The following LSS variants were observed in gnomAD, a reference collection of about 807,000 sequenced individuals.
LSS encodes lanosterol synthase.
In LSS, 90 loss-of-function variants were observed where a neutral mutation model predicts 110.3. The observed-to-expected ratio is 0.82, with a 90% CI of 0.69 to 0.97. The LOEUF (loss-of-function observed/expected upper bound fraction) is 0.97, where lower values mean the gene tolerates loss of function less well. Ranked by LOEUF, LSS falls within the 50% of genes least tolerant of loss-of-function variation. LSS has a pLI of 0.00. For missense variants in LSS, 927 were observed against 990.0 expected (o/e 0.94, Z 0.85); for synonymous variants, 433 against 400.0 (o/e 1.08, Z -0.98).
At chr21:46,218,101 A>T (rs959784901) in intron 6 of LSS, among the ~76,000 whole-genome samples, 1 of 32,200 alleles carries the variant, frequency 3.1e-5, no homozygotes, top group Non-Finnish European at 6.2e-5. Context: ...TTGACCCCCC[A>T]CCCCCCACCC....
chr21:46,202,373 G>A (rs1433369470), intron 17 of LSS, among the ~76,000 whole-genome samples: 7 of 138,846 alleles, frequency 5.0e-5, no homozygotes, highest in African/African-American at 1.6e-4. Context: ...CAGCCTGGGC[G>A]ACAGAGCGAG....
chr21:46,205,954 G>T lies in LSS; in HGVS notation c.1565-13C>A. The T allele has an allele frequency of 6.3e-7, 1 of 1,581,674 alleles. No homozygotes were observed. The highest frequency in any genetic ancestry group is 8.6e-7 in the Non-Finnish European group (1 of 1,157,998). On this transcript the variant is annotated splice_polypyrimidine_tract_variant and intron_variant, in intron 16 of 21. Coordinates refer to ENST00000397728, the MANE Select transcript of LSS (RefSeq NM_002340.6). ...ATCATGATGTCCCCTGGGAAAGGGAGGGAAGAACCAAGTGTTGGGTTTCAC... is the reference window on the plus strand; with the variant it reads ...ATCATGATGTCCCCTGGGAAAGGGATGGAAGAACCAAGTGTTGGGTTTCAC...
rs544101260 is a variant in LSS at position 46,223,137 on chromosome 21, G to C, written c.320-399C>G. 2.0e-5 allele frequency among the ~76,000 whole-genome samples: 3 copies of C among 152,324 alleles called. No homozygotes were observed. In the East Asian group the frequency reaches 5.8e-4, roughly 29 times the overall value. On this transcript the variant is annotated intron_variant, in intron 3 of 21. Transcript: ENST00000397728. Reference sequence around the variant, plus strand: ...GACTGTTGGTCTTGCTTTAACATCTGCTGGGAAGAAAAATACAAAATTGGT... The same window carrying C: ...GACTGTTGGTCTTGCTTTAACATCTCCTGGGAAGAAAAATACAAAATTGGT...
At chr21:46,205,301 AG>A (rs1208496083) in intron 17 of LSS, among the ~76,000 whole-genome samples, 1 of 152,122 alleles carries the variant, frequency 6.6e-6, no homozygotes, top group Non-Finnish European at 1.5e-5. Context: ...GCAGGAGAGC[AG>A]GAGAGCAGGA....
chr21:46,207,557 C>A lies in LSS; in HGVS notation c.1338G>T (p.Thr446=). ...CAGAAACGATCCAGCCGCAGTCCAGCGTACTGAAGGAGAAGCCACCCTGCA... is the reference window on the plus strand; with the variant it reads ...CAGAAACGATCCAGCCGCAGTCCAGAGTACTGAAGGAGAAGCCACCCTGCA... The part of the protein sequence containing the change: ...QMRKGGFSFS[T]LDCGWIVSDC... The change falls in exon 15 of 22, where the codon ACG becomes ACT. Residue 446 remains threonine (T), a synonymous_variant. Transcript: ENST00000397728. 1.2e-6 allele frequency: 2 copies of A among 1,609,050 alleles called. No individual in the cohort carries two copies. The highest frequency in any genetic ancestry group is 1.7e-6 in the Non-Finnish European group (2 of 1,178,282).
At chr21:46,207,124 C>T (rs1450493427) in intron 15 of LSS, among the ~76,000 whole-genome samples, 1 of 152,248 alleles carries the variant, frequency 6.6e-6, no homozygotes, top group Non-Finnish European at 1.5e-5. Flanking sequence ...AACAAATTCC[C>T]TCTTCAGACA....
intron 9 of LSS, 106 bp from the exon 10 acceptor site, chr21:46,213,941 G>T: frequency 1.3e-6 from 1 of 780,652 alleles, no homozygotes; most frequent in Non-Finnish European, 2.2e-6. Context: ...AAAGTGCCGT[G>T]CAGATCACTC....
At position 46,213,743 on chromosome 21, in the gene LSS, A is replaced by C. The variant is rs576829848; in HGVS notation, c.1104T>G (p.Tyr368Ter). Reference sequence around the variant, plus strand: ...CATATCCCAGCCACACTCACCAGAGATAGTCCGGGATTCTGGAGACATGCT... The same window carrying C: ...CATATCCCAGCCACACTCACCAGAGCTAGTCCGGGATTCTGGAGACATGCT... Reference protein sequence around the residue: ...FQEHVSRIPDYLWMGLDGMKM... With the variant: ...FQEHVSRIPD The change falls in exon 10 of 22, where the codon TAT becomes TAG. Residue 368 changes from tyrosine (Y) to a stop codon, truncating the protein, a stop_gained. Transcript: ENST00000397728. LOFTEE classifies it high-confidence loss of function. 1 of 1,613,408 alleles carries C rather than the reference A, an allele frequency of 6.2e-7. No individual in the cohort carries two copies. Among genetic ancestry groups the C allele is most frequent in the South Asian group, 1.1e-5 (1 of 90,954 alleles).
At chr21:46,212,246 C>T (rs1388766499) in intron 11 of LSS, among the ~76,000 whole-genome samples, 1 of 152,216 alleles carries the variant, frequency 6.6e-6, no homozygotes, top group Non-Finnish European at 1.5e-5. Flanking sequence ...CCAAGGGTAG[C>T]CCTGGGGCGG....
At chr21:46,218,873 C>A (rs915650898) in intron 6 of LSS, among the ~76,000 whole-genome samples, 1 of 151,868 alleles carries the variant, frequency 6.6e-6, no homozygotes, top group African/African-American at 2.4e-5. Context: ...ACTAGAGGCA[C>A]GCGCCGCCAC....
At chr21:46,220,454 G>A (rs180721779) in intron 5 of LSS, 3 of 152,650 alleles carry the variant, frequency 2.0e-5, no homozygotes, top group Admixed American at 2.0e-4. Flanking sequence ...CGTAAAGTGT[G>A]AGCCAGCGGG....
At chr21:46,196,068 C>A in intron 18 of LSS, 134 bp downstream of exon 18, 1 of 891,906 alleles carries the variant, frequency 1.1e-6, no homozygotes, top group Non-Finnish European at 1.8e-6. Context: ...CCAGAAGTCA[C>A]GGGCTGGCAG....
intron 19 of LSS, 115 bp from the exon 20 acceptor site, chr21:46,194,776 CCCTA>C (rs1485373078): frequency 1.9e-6 from 2 of 1,035,138 alleles, no homozygotes; most frequent in African/African-American, 1.6e-5. Flanking sequence ...GATGGGGCCA[CCCTA>C]CCTAAGGGCC....
rs2080361599 is a variant in LSS, at chr21:46,227,670, C to G, written c.201G>C (p.Leu67Phe). ...CCTCAAAGGCGGTGTGGGCTTTGGG[C>G]AAGTCCTTAAAGTAATTCTTCTGCA... ...GLDTKNYFKD[L>F]PKAHTAFEGA... is the part of the protein sequence containing the mutation. The change falls in exon 3 of 22, where the codon TTG becomes TTC. Residue 67 changes from leucine (L) to phenylalanine (F), a missense_variant. Physicochemically the swap from Leu to Phe is conservative, Grantham distance 22. Transcript: ENST00000397728. The G allele has an allele frequency of 6.2e-7, 1 of 1,611,564 alleles. No individual in the cohort carries two copies. Among genetic ancestry groups the G allele is most frequent in the South Asian group, 1.1e-5 (1 of 90,940 alleles).
rs9980968 is a variant in LSS, at chr21:46,215,713, C to G, written c.864G>C (p.Pro288=). 621,026 of 1,610,250 alleles carry G rather than the reference C, an allele frequency of 0.39. 122,542 individuals are homozygous for G. Among genetic ancestry groups the G allele is most frequent in the African/African-American group, 0.45 (33,708 of 74,796 alleles). ...NNVAPDELYT[P]HSWLLRVVYA... ...ATACCACGCGGAGCAGCCAGCTGTGCGGCGTGTACAGCTCGTCGGGGGCCA... is the reference window on the plus strand; with the variant it reads ...ATACCACGCGGAGCAGCCAGCTGTGGGGCGTGTACAGCTCGTCGGGGGCCA... Residue 288 remains proline (P), a synonymous_variant, in exon 8 of 22, where the codon CCG becomes CCC. Transcript: ENST00000397728.
intron 9 of LSS, among the ~76,000 whole-genome samples, 161 bp from the exon 10 acceptor site, chr21:46,213,996 C>A (rs559644559): frequency 6.6e-6 from 1 of 152,244 alleles, no homozygotes; most frequent in Non-Finnish European, 1.5e-5. Context: ...ATTTCCTGAG[C>A]GAGGATGGGC....
intron 2 of LSS, 139 bp from the exon 3 acceptor site, chr21:46,227,829 TCTGAAA>T (rs2080367331): frequency 3.1e-6 from 3 of 976,984 alleles, no homozygotes; most frequent in Admixed American, 5.2e-5. Context: ...CCATCAAAAG[TCTGAAA>T]CTCTTTGATG....
intron 17 of LSS, among the ~76,000 whole-genome samples, chr21:46,202,410 A>T (rs2079991652): frequency 6.6e-6 from 1 of 150,648 alleles, no homozygotes; most frequent in South Asian, 2.1e-4. Context: ...AAAAAAAATA[A>T]ATAAAATAAA....
intron 5 of LSS, among the ~76,000 whole-genome samples, chr21:46,221,347 T>G (rs1182740107): frequency 1.2e-5 from 1 of 83,378 alleles, no homozygotes; most frequent in Non-Finnish European, 2.3e-5. Flanking sequence ...TACCTGGTTG[T>G]CTTAGTTTGC....
Sources: gnomAD v4.1 joint callset for allele counts (sites outside exome capture counted in the v4.1 genomes callset) on GRCh38, gnomAD v4.1.1 for gene constraint, MANE v1.5 for transcripts, NCBI Gene and HGNC (gene_info 2026-07-23, HGNC 2026-07-21) for gene names.